The following RORA variants were observed in gnomAD, a reference collection of about 807,000 sequenced individuals.
RORA encodes the protein nuclear receptor ROR-alpha.
Under a neutral mutation model 69.5 loss-of-function variants are expected in RORA, and 7 were observed. That is an observed-to-expected ratio of 0.10 (90% CI 0.06 to 0.19). The LOEUF (loss-of-function observed/expected upper bound fraction) is 0.19, where lower values mean the gene tolerates loss of function less well. Among genes scored for constraint, RORA ranks in the 10% least tolerant of loss-of-function variants. RORA has a pLI of 1.00. For synonymous variants in RORA, 261 were observed against 240.8 expected (o/e 1.08, Z -0.78); for missense variants, 457 against 663.0 (o/e 0.69, Z 3.41).
At chr15:60,874,111 A>T (rs1245077875) in intron 1 of RORA, among the ~76,000 whole-genome samples, 1 of 152,156 alleles carries the variant, frequency 6.6e-6, no homozygotes, top group Non-Finnish European at 1.5e-5. Context: ...GGCTCAAGAA[A>T]ATTGATAAAA....
At position 60,493,577 on chromosome 15, in the gene RORA, T is replaced by C. The variant is rs1162479809; in HGVS notation, c.*3878A>G. The C allele has an allele frequency of 1.3e-5, 2 of 152,020 alleles. No individual in the cohort carries two copies. Among genetic ancestry groups the C allele is most frequent in the African/African-American group, 4.8e-5 (2 of 41,432 alleles). The allele number at this position is 152,020 out of a possible 1,614,324, so 9.4% of individuals were successfully genotyped here. ...AACACACATTTCTACTATGGCACATTCAATGAAATAAAAAGTTTTCCAAAG... is the reference window on the plus strand; with the variant it reads ...AACACACATTTCTACTATGGCACATCCAATGAAATAAAAAGTTTTCCAAAG... On this transcript the variant is annotated 3_prime_UTR_variant, in exon 11 of 11. Transcript: ENST00000335670.
intron 1 of RORA, among the ~76,000 whole-genome samples, chr15:60,979,389 C>CA (rs1293815567): frequency 3.3e-5 from 5 of 149,360 alleles, no homozygotes; most frequent in Non-Finnish European, 7.4e-5. Flanking sequence ...GGGTCAACTG[C>CA]AAAAAAGCAG....
At chr15:60,725,979 G>A (rs141302769) in intron 1 of RORA, among the ~76,000 whole-genome samples, 4 of 152,100 alleles carry the variant, frequency 2.6e-5, no homozygotes, top group South Asian at 4.1e-4. Flanking sequence ...TGGTTTGGGG[G>A]GCACACAACA....
At chr15:60,652,565 A>G (rs75170440) in intron 2 of RORA, among the ~76,000 whole-genome samples, 42 of 152,350 alleles carry the variant, frequency 2.8e-4, no homozygotes, top group African/African-American at 9.9e-4. Flanking sequence ...TGATTTGCAT[A>G]TGTGTCCTTC....
intron 2 of RORA, among the ~76,000 whole-genome samples, chr15:60,624,684 A>G (rs2069525300): frequency 6.6e-6 from 1 of 151,792 alleles, no homozygotes; most frequent in African/African-American, 2.4e-5. Context: ...GCTACAAACT[A>G]TGTTGGTTAG....
chr15:60,771,894 G>A (rs1008353281), intron 1 of RORA, among the ~76,000 whole-genome samples: 1 of 152,162 alleles, frequency 6.6e-6, no homozygotes, highest in Admixed American at 6.5e-5. Context: ...GTGCTGCAGT[G>A]CATTTAGTGA....
chr15:60,585,291 T>C (rs1040227185), intron 2 of RORA, among the ~76,000 whole-genome samples: 3 of 152,220 alleles, frequency 2.0e-5, no homozygotes, highest in Admixed American at 2.0e-4. Flanking sequence ...TATTATCTAT[T>C]TATCCTAAAA....
Position 60,986,294 on chromosome 15 carries a change from CA to C in RORA, c.166+242758del, listed in dbSNP as rs773913075. 3.3e-5 allele frequency among the ~76,000 whole-genome samples: 5 copies of C among 152,256 alleles called. No homozygotes were observed. The East Asian group carries it at 5.8e-4, about 18-fold the overall frequency. ...GACTACAGGTGCACACCACCACACCCAGCTAATTTTTGTATGTTTAGTAGAG... is the reference window on the plus strand; with the variant it reads ...GACTACAGGTGCACACCACCACACCCGCTAATTTTTGTATGTTTAGTAGAG... On this transcript the variant is annotated intron_variant, in intron 1 of 10. Transcript: ENST00000335670.
intron 1 of RORA, among the ~76,000 whole-genome samples, chr15:61,194,416 C>T (rs573312846): frequency 2.0e-5 from 3 of 151,628 alleles, no homozygotes; most frequent in African/African-American, 7.3e-5. Flanking sequence ...AAAAATTAGC[C>T]GGGCGTAGTG....
At chr15:61,021,585 C>G (rs1895526324) in intron 1 of RORA, among the ~76,000 whole-genome samples, 1 of 152,194 alleles carries the variant, frequency 6.6e-6, no homozygotes, top group African/African-American at 2.4e-5. Context: ...TCCCACACTC[C>G]TAGCCACAGA....
At position 61,213,037 on chromosome 15, in the gene RORA, C is replaced by T. The variant is rs775540136; in HGVS notation, c.166+16016G>A. ...ATATTGTCACCTGCTCCCTGCTAGA[C>T]CCCCATTCCCCGCTGCCCATCAGAT... On this transcript the variant is annotated intron_variant, in intron 1 of 10. Transcript: ENST00000335670. This position sits in a 1 kb window ranked among gnomAD's most constrained non-coding sequence, Gnocchi z 4.1. 2.0e-5 allele frequency among the ~76,000 whole-genome samples: 3 copies of T among 152,102 alleles called. No individual in the cohort carries two copies. The highest frequency in any genetic ancestry group is 2.9e-5 in the Non-Finnish European group (2 of 68,022).
At chr15:60,776,637 G>A (rs62002749) in intron 1 of RORA, among the ~76,000 whole-genome samples, 54,376 of 152,174 alleles carry the variant, frequency 0.36, 11,653 homozygotes, top group Non-Finnish European at 0.48. Flanking sequence ...CAATTGAGCC[G>A]TGGCTGTAAA....
At chr15:60,938,142 C>G (rs1465982881) in intron 1 of RORA, among the ~76,000 whole-genome samples, 4 of 151,862 alleles carry the variant, frequency 2.6e-5, no homozygotes, top group Non-Finnish European at 2.9e-5. Flanking sequence ...TTTTGAGGGC[C>G]AAAAAGTTGC....
At chr15:60,580,031 T>C (rs899181718) in intron 2 of RORA, among the ~76,000 whole-genome samples, 1 of 151,816 alleles carries the variant, frequency 6.6e-6, no homozygotes, top group South Asian at 2.1e-4. Flanking sequence ...AGATGAACTA[T>C]AAAAGAACTT....
Position 60,505,388 on chromosome 15 carries a change from T to C in RORA, c.942+120A>G. 3 of 1,041,374 alleles carry C rather than the reference T, an allele frequency of 2.9e-6. No individual in the cohort carries two copies. In the South Asian group the frequency reaches 4.6e-5, roughly 16 times the overall value. 64.5% of individuals were successfully genotyped at this position (1,041,374 alleles called of 1,614,324 possible). A position where few individuals can be genotyped will look rare whatever the true frequency, so the allele number is the denominator to read the frequency against. ...TTAGTAGCTTCAGAAAAAAGATATT[T>C]AAACAGAAACCTGATGACATTCATT... On this transcript the variant is annotated intron_variant, in intron 6 of 10. Transcript: ENST00000335670.
intron 1 of RORA, among the ~76,000 whole-genome samples, chr15:61,016,733 G>A (rs1463816501): frequency 1.3e-5 from 2 of 152,144 alleles, no homozygotes; most frequent in Non-Finnish European, 2.9e-5. Flanking sequence ...TGAATGTGGT[G>A]AAATGGGGAG....
chr15:61,180,621 T>C (rs1468577184), intron 1 of RORA, among the ~76,000 whole-genome samples: 1 of 152,214 alleles, frequency 6.6e-6, no homozygotes, highest in African/African-American at 2.4e-5. Context: ...CAGTTAAAAA[T>C]TCCTTCCTCT....
intron 1 of RORA, among the ~76,000 whole-genome samples, chr15:60,832,926 A>T (rs1160106455): frequency 1.3e-5 from 2 of 151,144 alleles, no homozygotes; most frequent in African/African-American, 4.9e-5. Flanking sequence ...TTTTTTTGAG[A>T]CGGAGTCTCA....
In RORA at chr15:60,578,765, C is replaced by CT. The variant is rs768047660; in HGVS notation, c.197-46915dup. On this transcript the variant is annotated intron_variant, in intron 2 of 10. Transcript: ENST00000335670. Reference sequence around the variant, plus strand: ...TCATCAAGCACATTCTTAAATGAAACTTTTTTTTTTTTTTTTGAGACAGAG... The same window carrying CT: ...TCATCAAGCACATTCTTAAATGAAACTTTTTTTTTTTTTTTTTGAGACAGAG... 3.6e-3 allele frequency among the ~76,000 whole-genome samples: 504 copies of CT among 138,864 alleles called. 2 individuals carry two copies. Among genetic ancestry groups the CT allele is most frequent in the African/African-American group, 4.7e-3 (178 of 37,868 alleles). 91.1% of individuals were successfully genotyped at this position (138,864 alleles called of 152,430 possible).
Sources: allele counts gnomAD v4.1 joint callset (sites outside exome capture counted in the v4.1 genomes callset), GRCh38; gene constraint gnomAD v4.1.1; non-coding constraint Gnocchi (gnomAD v3.1); transcripts MANE v1.5; gene names NCBI Gene and HGNC (gene_info 2026-07-23, HGNC 2026-07-21).